Variants in KAZN observed in about 807,000 individuals in gnomAD.
KAZN encodes the protein kazrin, periplakin interacting protein, also known as kazrin.
A neutral mutation model predicts 87.4 loss-of-function variants in KAZN; 40 were observed. The ratio of observed to expected loss-of-function variants is 0.46; its 90% CI spans 0.36 to 0.60. The LOEUF is 0.60. KAZN is among the 20% of genes least tolerant of loss of function. The pLI, the probability that KAZN is intolerant of heterozygous loss-of-function variation, is 0.00. For synonymous variants in KAZN, 466 were observed against 458.3 expected, an observed-to-expected ratio of 1.02 and a Z score of -0.22; for missense variants, 898 against 1,073.9, an observed-to-expected ratio of 0.84 and a Z score of 2.29.
At chr1:13,978,005 G>A (rs1426771974) in intron 1 of KAZN, among the ~76,000 whole-genome samples, 1 of 152,028 alleles carries the variant, frequency 6.6e-6, no homozygotes, top group Non-Finnish European at 1.5e-5. Flanking sequence ...GTGTGCGCCT[G>A]TGGTCCCAGG....
At chr1:14,369,145 G>C (rs1193217664) in intron 2 of KAZN, among the ~76,000 whole-genome samples, 3 of 152,196 alleles carry the variant, frequency 2.0e-5, no homozygotes, top group Non-Finnish European at 2.9e-5. Flanking sequence ...ATCAGATGGA[G>C]ACACATTTCT....
Position 14,770,575 on chromosome 1 carries a change from C to T in KAZN, c.226+171352C>T, listed in dbSNP as rs12093030. Among the ~76,000 whole-genome samples, 1,505 of 152,162 alleles carry T rather than the reference C, an allele frequency of 9.9e-3. 29 individuals carry two copies. The highest frequency in any genetic ancestry group is 0.034 in the African/African-American group (1,429 of 41,494). ...CATCAGTTAGACTATGTGTGAATAT[C>T]TTCCCCAGGGCCATACACCACGGCA... is the stretch of plus-strand genomic sequence containing the variant. On this transcript the variant is annotated intron_variant, in intron 1 of 14. Transcript: ENST00000376030.
At position 14,184,779 on chromosome 1, in the gene KAZN, A is replaced by G. The variant is rs1273226074; in HGVS notation, c.249+4187A>G. On this transcript the variant is annotated intron_variant, in intron 2 of 16. Coordinates refer to the KAZN transcript ENST00000636203. This position sits in a 1 kb window ranked among gnomAD's most constrained non-coding sequence, Gnocchi z 4.2. ...TGTGGACCAGAGGAAACCTTGGCTC[A>G]GGTTCCTGGCAGATAGGGAGGGTTA... 6.6e-6 allele frequency among the ~76,000 whole-genome samples: 1 copy of G among 152,200 alleles called. No individual in the cohort carries two copies. The highest frequency in any genetic ancestry group is 1.5e-5 in the Non-Finnish European group (1 of 68,030).
rs140403838 is a variant in KAZN at position 14,911,937 on chromosome 1, A to G, written c.227-48747A>G. Reference sequence around the variant, plus strand: ...GAGGCCGAGGCAGGTAGATCACCTGAGGTCAGGAGTTTGAGACCAGCCTGT... The same window carrying G: ...GAGGCCGAGGCAGGTAGATCACCTGGGGTCAGGAGTTTGAGACCAGCCTGT... On this transcript the variant is annotated intron_variant, in intron 1 of 14. Transcript: ENST00000376030. Among the ~76,000 whole-genome samples the G allele has an allele frequency of 3.5e-3, 538 of 152,218 alleles. 4 individuals are homozygous for G. Among genetic ancestry groups the G allele is most frequent in the African/African-American group, 0.011 (461 of 41,546 alleles).
At chr1:13,964,678 TGG>T (rs1641878289) in intron 1 of KAZN, among the ~76,000 whole-genome samples, 2 of 152,222 alleles carry the variant, frequency 1.3e-5, no homozygotes, top group Non-Finnish European at 2.9e-5. Context: ...AGGCCTCTAC[TGG>T]GTGGCATGAC....
intron 8 of KAZN, chr1:15,067,427 C>T (rs1219922594): frequency 2.0e-6 from 2 of 985,462 alleles, no homozygotes; most frequent in East Asian, 2.3e-4. Flanking sequence ...ATTTTAATGC[C>T]AGGGGACGGA....
intron 1 of KAZN, among the ~76,000 whole-genome samples, chr1:14,160,526 T>A (rs990370242): frequency 6.6e-6 from 1 of 152,178 alleles, no homozygotes; most frequent in African/African-American, 2.4e-5. Flanking sequence ...CTTTAGCACC[T>A]CTTTCAGTGA....
At chr1:13,937,705 T>G (rs535135446) in intron 1 of KAZN, among the ~76,000 whole-genome samples, 1 of 151,348 alleles carries the variant, frequency 6.6e-6, no homozygotes, top group Non-Finnish European at 1.5e-5. Context: ...TTTTTGTGTA[T>G]AGTGAGAGAT....
At chr1:14,067,741 G>A (rs1643067878) in intron 1 of KAZN, among the ~76,000 whole-genome samples, 1 of 152,170 alleles carries the variant, frequency 6.6e-6, no homozygotes, top group Non-Finnish European at 1.5e-5. Context: ...GGGGAAGGGT[G>A]AATTAGTTAA....
intron 1 of KAZN, among the ~76,000 whole-genome samples, chr1:14,791,106 C>G (rs1182062933): frequency 6.6e-6 from 1 of 152,206 alleles, no homozygotes; most frequent in Non-Finnish European, 1.5e-5. Context: ...GCTTAACAGA[C>G]AACCCTGCCC....
chr1:14,269,450 G>A (rs958708206), intron 2 of KAZN, among the ~76,000 whole-genome samples: 2 of 152,106 alleles, frequency 1.3e-5, no homozygotes, highest in African/African-American at 4.8e-5. Flanking sequence ...ACTGGACTTG[G>A]TAATGGAAAG....
At chr1:14,241,556 T>C (rs567067760) in intron 2 of KAZN, among the ~76,000 whole-genome samples, 8 of 152,342 alleles carry the variant, frequency 5.3e-5, no homozygotes, top group African/African-American at 1.7e-4. Flanking sequence ...TTAGCATTCA[T>C]TTCTTCACTA....
intron 1 of KAZN, among the ~76,000 whole-genome samples, chr1:14,892,783 C>T (rs760082762): frequency 2.6e-5 from 4 of 152,120 alleles, no homozygotes; most frequent in Non-Finnish European, 5.9e-5. Flanking sequence ...CTGCAGGCTC[C>T]GGTGGCCTGG....
At chr1:14,032,313 T>G (rs1304364351) in intron 1 of KAZN, among the ~76,000 whole-genome samples, 1 of 152,216 alleles carries the variant, frequency 6.6e-6, no homozygotes, top group Non-Finnish European at 1.5e-5. Flanking sequence ...GCATTCCTTG[T>G]TATCTTCAAG....
At chr1:14,942,426 A>C (rs1661203620) in intron 1 of KAZN, among the ~76,000 whole-genome samples, 1 of 152,202 alleles carries the variant, frequency 6.6e-6, no homozygotes, top group Admixed American at 6.5e-5. Flanking sequence ...TAGAGAATAA[A>C]ACATGTAGAT....
rs559487403 is a variant in KAZN, at chr1:14,237,118, C to A, written c.249+56526C>A. ...CTCACTAGTTAGGTACTAAGTGTGA[C>A]CCTTTTAAGGTTCATCTTTAAGGGA... On this transcript the variant is annotated intron_variant, in intron 2 of 16. Coordinates refer to the KAZN transcript ENST00000636203. 2.6e-5 allele frequency among the ~76,000 whole-genome samples: 4 copies of A among 152,202 alleles called. No homozygotes were observed. In the East Asian group the frequency reaches 7.7e-4, roughly 29 times the overall value.
chr1:14,798,416 CTTTTTTTTTTTTTTTTTTT>C (rs545959773), intron 1 of KAZN, among the ~76,000 whole-genome samples: 4 of 88,148 alleles, frequency 4.5e-5, no homozygotes, highest in East Asian at 3.7e-4. Context: ...TGTTTCTTTC[CTTTTTTTTTTTTTTTTTTT>C]TTTTTTTTTT....
chr1:14,334,505 GT>G (rs1256179491), intron 2 of KAZN, among the ~76,000 whole-genome samples: 1 of 152,022 alleles, frequency 6.6e-6, no homozygotes, highest in Non-Finnish European at 1.5e-5. Context: ...AGGAGGCATG[GT>G]CATCATAAGG....
chr1:13,978,452 A>C (rs1291341310), intron 1 of KAZN, among the ~76,000 whole-genome samples: 1 of 150,640 alleles, frequency 6.6e-6, no homozygotes, highest in African/African-American at 2.4e-5. Flanking sequence ...ATAAATAATT[A>C]CATTAAAAAA....
Sources: gnomAD v4.1 joint callset for allele counts (sites outside exome capture counted in the v4.1 genomes callset) on GRCh38, gnomAD v4.1.1 for gene constraint, Gnocchi (gnomAD v3.1) non-coding constraint, MANE v1.5 for transcripts, NCBI Gene and HGNC (gene_info 2026-07-23, HGNC 2026-07-21) for gene names.